CTSC: variants seen among roughly 807,000 people sequenced by gnomAD.
CTSC encodes dipeptidyl peptidase 1.
A neutral mutation model predicts 40.9 loss-of-function variants in CTSC; 37 were observed. The observed-to-expected ratio is 0.91, with a 90% CI of 0.70 to 1.19. CTSC has a LOEUF of 1.19. Ranked by LOEUF, CTSC falls within the 50% of genes most tolerant of loss-of-function variation. The probability of loss-of-function intolerance (pLI) is 0.00; values close to 1 mark genes in which losing one functional copy is unlikely to be tolerated. For synonymous variants in CTSC, 232 were observed against 207.4 expected (o/e 1.12, Z -1.02); for missense variants, 594 against 567.3 (o/e 1.05, Z -0.48).
intron 2 of CTSC, chr11:88,323,110 T>C (rs540839588): frequency 5.9e-5 from 9 of 152,238 alleles, no homozygotes; most frequent in Non-Finnish European, 1.3e-4. Context: ...GCAAGGCCGG[T>C]TCAACATATG....
chr11:88,301,215 C>T (rs1016472187), intron 4 of CTSC, among the ~76,000 whole-genome samples: 5 of 152,092 alleles, frequency 3.3e-5, no homozygotes, highest in Non-Finnish European at 5.9e-5. Flanking sequence ...GGCAGGAATG[C>T]GAAGGGCTTT....
intron 2 of CTSC, among the ~76,000 whole-genome samples, chr11:88,315,611 T>G (rs1937858173): frequency 6.6e-6 from 1 of 152,166 alleles, no homozygotes. Context: ...TTTATAAATA[T>G]TGTACAGATT....
intron 4 of CTSC, among the ~76,000 whole-genome samples, chr11:88,308,290 G>C (rs1937678961): frequency 6.6e-6 from 1 of 152,200 alleles, no homozygotes; most frequent in Non-Finnish European, 1.5e-5. Context: ...CAGTCAGGCT[G>C]TGGGGAGAAG....
intron 2 of CTSC, among the ~76,000 whole-genome samples, chr11:88,330,780 A>G (rs170082): frequency 0.72 from 108,755 of 152,040 alleles, 39,074 homozygotes; most frequent in East Asian, 0.89. Context: ...ATGTATCTCC[A>G]TCCCTACTAT....
intron 3 of CTSC, among the ~76,000 whole-genome samples, chr11:88,310,180 CTTT>C (rs11337017): frequency 1.3e-4 from 19 of 142,170 alleles, no homozygotes; most frequent in South Asian, 2.2e-4. Flanking sequence ...TCAGAATCTC[CTTT>C]TTTTTTTTTT....
chr11:88,309,402 C>G (rs1565255095), intron 3 of CTSC, 84 bp from the exon 4 acceptor site: 2 of 1,195,262 alleles, frequency 1.7e-6, no homozygotes, highest in South Asian at 1.2e-5. Flanking sequence ...CACTCTGTGC[C>G]TAAGTGGAAA....
At chr11:88,304,697 G>C (rs1003336190) in intron 4 of CTSC, among the ~76,000 whole-genome samples, 1 of 152,202 alleles carries the variant, frequency 6.6e-6, no homozygotes, top group East Asian at 1.9e-4. Flanking sequence ...GAACAGACAG[G>C]CTGCAGTAAA....
rs772192177 is a variant in CTSC, at chr11:88,294,045, C to G, written c.1353G>C (p.Glu451Asp). ...IRRGTDECAIESIAVAATPIP... is the reference protein window; with the variant it reads ...IRRGTDECAIDSIAVAATPIP... ...TTGGTGTGGCTGCCACTGCTATGCT[C>G]TCAATTGCACACTCATCAGTTCCTC... The change falls in exon 7 of 7, where the codon GAG becomes GAC. Residue 451 changes from glutamate (E) to aspartate (D), a missense_variant. By Grantham distance (45) the Glu-to-Asp change is conservative. Transcript: ENST00000227266. The G allele has an allele frequency of 8.7e-6, 14 of 1,613,932 alleles. No homozygotes were observed. Among genetic ancestry groups the G allele is most frequent in the Non-Finnish European group, 1.2e-5 (14 of 1,180,034 alleles).
intron 2 of CTSC, among the ~76,000 whole-genome samples, chr11:88,329,308 C>A (rs1319358356): frequency 6.6e-6 from 1 of 151,690 alleles, no homozygotes; most frequent in Admixed American, 6.6e-5. Context: ...ATGGTGAAAC[C>A]CCATCTCTAC....
chr11:88,303,595 A>G (rs1937604933), intron 4 of CTSC, among the ~76,000 whole-genome samples: 1 of 152,220 alleles, frequency 6.6e-6, no homozygotes, highest in Admixed American at 6.5e-5. Context: ...CCCTCCCTGA[A>G]CACGCCACCC....
At chr11:88,302,323 G>GT (rs1565252568) in intron 4 of CTSC, among the ~76,000 whole-genome samples, 1 of 152,044 alleles carries the variant, frequency 6.6e-6, no homozygotes, top group Non-Finnish European at 1.5e-5. Context: ...ATATAACACA[G>GT]GTTAAGAATA....
chr11:88,315,636 C>T (rs998810055), intron 2 of CTSC, among the ~76,000 whole-genome samples: 3 of 152,072 alleles, frequency 2.0e-5, no homozygotes, highest in Non-Finnish European at 4.4e-5. Flanking sequence ...ATAAATCTTA[C>T]AGGTTCAAGA....
chr11:88,319,358 T>A (rs956839141), intron 2 of CTSC, among the ~76,000 whole-genome samples: 1 of 152,166 alleles, frequency 6.6e-6, no homozygotes, highest in Admixed American at 6.5e-5. Flanking sequence ...AATGTTTCAG[T>A]TAAAATTTGT....
chr11:88,334,188 C>T (rs908254089), intron 2 of CTSC, among the ~76,000 whole-genome samples: 4 of 152,194 alleles, frequency 2.6e-5, no homozygotes, highest in African/African-American at 9.6e-5. Flanking sequence ...CGCCTAGTTT[C>T]AGGCTTATGT....
chr11:88,334,866 G>T, intron 2 of CTSC, 71 bp downstream of exon 2: 1 of 1,105,004 alleles, frequency 9.0e-7, no homozygotes, highest in South Asian at 1.3e-5. Context: ...AATTCTGAGG[G>T]TCTACTAATC....
chr11:88,321,244 A>AC (rs1938004377), intron 2 of CTSC: 2 of 158,002 alleles, frequency 1.3e-5, no homozygotes, highest in African/African-American at 4.8e-5. Context: ...TCAACTCATC[A>AC]CCTAGGTATT....
At chr11:88,320,897 G>T (rs1156444777) in intron 2 of CTSC, 1 of 892,438 alleles carries the variant, frequency 1.1e-6, no homozygotes, top group Non-Finnish European at 1.3e-6. Flanking sequence ...GGAATCAAAT[G>T]GTTAGTAAGA....
In CTSC at chr11:88,337,732, G is replaced by T. The variant is rs1054736670; in HGVS notation, c.-60C>A. 1.3e-6 allele frequency: 2 copies of T among 1,539,964 alleles called. No homozygotes were observed. The highest frequency in any genetic ancestry group is 8.8e-7 in the Non-Finnish European group (1 of 1,139,460). Reference sequence around the variant, plus strand: ...CCAGGAAGCCGAGCGCTGCGGGCTAGCGGTGAGTCCACCACGAGGCGCGCG... The same window carrying T: ...CCAGGAAGCCGAGCGCTGCGGGCTATCGGTGAGTCCACCACGAGGCGCGCG... On this transcript the variant is annotated 5_prime_UTR_variant, in exon 1 of 7. Coordinates refer to ENST00000227266, the MANE Select transcript of CTSC (RefSeq NM_001814.6).
rs1318347416 is a variant in CTSC, at chr11:88,337,486, G to A, written c.172+15C>T. On this transcript the variant is annotated intron_variant, in intron 1 of 6. Coordinates refer to ENST00000227266, the MANE Select transcript of CTSC (RefSeq NM_001814.6). ...AGAAAGGACGACCCGGAGGACTGCC[G>A]AGCCGGCGGCTTACCCATAACCGAG... 1.3e-5 allele frequency: 20 copies of A among 1,562,926 alleles called. No individual in the cohort carries two copies. The highest frequency in any genetic ancestry group is 2.4e-5 in the East Asian group (1 of 41,730).
Sources: allele counts gnomAD v4.1 joint callset (sites outside exome capture counted in the v4.1 genomes callset), GRCh38; gene constraint gnomAD v4.1.1; transcripts MANE v1.5; gene names NCBI Gene and HGNC (gene_info 2026-07-23, HGNC 2026-07-21).